SUPT16H: variants seen among roughly 807,000 people sequenced by gnomAD.
SUPT16H encodes the protein FACT complex subunit SPT16.
Under a neutral mutation model 136.2 loss-of-function variants are expected in SUPT16H, and 24 were observed. The observed-to-expected ratio is 0.18, with a 90% CI of 0.13 to 0.25. The LOEUF is 0.25. SUPT16H is among the 10% of genes least tolerant of loss of function. The probability of loss-of-function intolerance (pLI) is 1.00; values close to 1 mark genes in which losing one functional copy is unlikely to be tolerated. For missense variants in SUPT16H, 623 were observed against 1,270.2 expected, an observed-to-expected ratio of 0.49 and a Z score of 7.74; for synonymous variants, 415 against 428.2, an observed-to-expected ratio of 0.97 and a Z score of 0.38.
chr14:21,383,981 C>A lies in SUPT16H; in HGVS notation c.-54G>T. 4.4e-6 allele frequency: 7 copies of A among 1,604,672 alleles called. No homozygotes were observed. In the South Asian group the frequency reaches 7.7e-5, roughly 18 times the overall value. On this transcript the variant is annotated 5_prime_UTR_variant, in exon 1 of 26. Coordinates refer to ENST00000216297, the MANE Select transcript of SUPT16H (RefSeq NM_007192.4). Reference sequence around the variant, plus strand: ...CCGAGAATCACGCGAGGTCCCGGCTCAGCCACCCGCTCTCGGCCCAGGAAT... The same window carrying A: ...CCGAGAATCACGCGAGGTCCCGGCTAAGCCACCCGCTCTCGGCCCAGGAAT...
intron 22 of SUPT16H, among the ~76,000 whole-genome samples, chr14:21,355,702 CT>C (rs1412064971): frequency 6.6e-6 from 1 of 151,886 alleles, no homozygotes; most frequent in East Asian, 1.9e-4. Context: ...AAATGACTTT[CT>C]CTTTCTCACT....
intron 17 of SUPT16H, 112 bp from the exon 18 acceptor site, chr14:21,360,645 A>G (rs1886531876): frequency 1.7e-6 from 2 of 1,195,566 alleles, no homozygotes; most frequent in Admixed American, 2.2e-5. Context: ...ACAGCTGTAT[A>G]GAGCTTTCCT....
Position 21,362,328 on chromosome 14 carries a change from T to C in SUPT16H, c.1666-4A>G, listed in dbSNP as rs1886573634. The C allele has an allele frequency of 6.2e-7, 1 of 1,605,590 alleles. No individual in the cohort carries two copies. Among genetic ancestry groups the C allele is most frequent in the Non-Finnish European group, 8.5e-7 (1 of 1,177,074 alleles). ...CTTCCACGGACATACTTATATTCTG[T>C]TCAAAGGAAAAGCATAAAAAGTAAA... is the stretch of plus-strand genomic sequence containing the variant. On this transcript the variant is annotated splice_region_variant and splice_polypyrimidine_tract_variant and intron_variant, in intron 14 of 25. Transcript: ENST00000216297.
chr14:21,369,664 A>G (rs1886744948), intron 5 of SUPT16H, 86 bp downstream of exon 5: 2 of 1,524,710 alleles, frequency 1.3e-6, no homozygotes, highest in South Asian at 1.2e-5. Context: ...TTTCAAAGGA[A>G]GCTGAAGAAC....
chr14:21,362,639 A>G (rs1886581149), intron 14 of SUPT16H, among the ~76,000 whole-genome samples, 155 bp downstream of exon 14: 1 of 152,190 alleles, frequency 6.6e-6, no homozygotes, highest in South Asian at 2.1e-4. Flanking sequence ...CTGAAAGAGG[A>G]AGGAGAATGA....
At chr14:21,371,311 G>T (rs1886780775) in intron 3 of SUPT16H, among the ~76,000 whole-genome samples, 1 of 151,766 alleles carries the variant, frequency 6.6e-6, no homozygotes, top group African/African-American at 2.4e-5. Context: ...TTAAGAGAAG[G>T]GGTCTCACGT....
At chr14:21,354,658 C>A in intron 22 of SUPT16H, 118 bp from the exon 23 acceptor site, 5 of 1,254,474 alleles carry the variant, frequency 4.0e-6, no homozygotes, top group Middle Eastern at 3.0e-4. Flanking sequence ...GTGGCACAAT[C>A]TTCGCTCACT....
chr14:21,364,144 G>A (rs1300987200), intron 10 of SUPT16H, among the ~76,000 whole-genome samples: 1 of 152,106 alleles, frequency 6.6e-6, no homozygotes, highest in Admixed American at 6.6e-5. Context: ...TACTTCACAA[G>A]GTACTATTTC....
At chr14:21,381,789 T>TC (rs1285565761) in intron 1 of SUPT16H, among the ~76,000 whole-genome samples, 2 of 149,990 alleles carry the variant, frequency 1.3e-5, no homozygotes, top group African/African-American at 4.9e-5. Flanking sequence ...TATTTGCCTT[T>TC]TTTTTTTTTT....
chr14:21,366,658 T>TTTC, intron 7 of SUPT16H, 129 bp from the exon 8 acceptor site: 1 of 776,562 alleles, frequency 1.3e-6, no homozygotes, highest in South Asian at 1.8e-5. Flanking sequence ...TCCACTCACT[T>TTTC]TTTTTTTTTG....
In SUPT16H at chr14:21,362,274, A is replaced by G. The variant is rs1444204299; in HGVS notation, c.1716T>C (p.Phe572=). The G allele has an allele frequency of 1.2e-6, 2 of 1,613,990 alleles. No individual in the cohort carries two copies. Among genetic ancestry groups the G allele is most frequent in the Non-Finnish European group, 1.7e-6 (2 of 1,180,024 alleles). ...TGCCCAGAGCACTGCCTGGGCAATA[A>G]AAGTTGATTCGCAAGTAAGTATAAT... ...EGDYTYLRIN[F]YCPGSALGRN... The change falls in exon 15 of 26, where the codon TTT becomes TTC. Residue 572 remains phenylalanine (F), a synonymous_variant. Transcript: ENST00000216297.
At chr14:21,377,062 CAAAG>C in intron 1 of SUPT16H, among the ~76,000 whole-genome samples, 1 of 73,954 alleles carries the variant, frequency 1.4e-5, no homozygotes, top group Admixed American at 1.9e-4. Flanking sequence ...GAGACTGTCT[CAAAG>C]AAAGAAAAAG....
At chr14:21,361,053 A>G in intron 16 of SUPT16H, 25 bp downstream of exon 16, 1 of 1,611,928 alleles carries the variant, frequency 6.2e-7, no homozygotes, top group Non-Finnish European at 8.5e-7. Context: ...TTGTGTAAGA[A>G]TGTTTTGCCT....
At position 21,354,135 on chromosome 14, in the gene SUPT16H, T is replaced by A. The variant is rs577221196; in HGVS notation, c.2790+276A>T. Among the ~76,000 whole-genome samples, 7 of 152,370 alleles carry A rather than the reference T, an allele frequency of 4.6e-5. No homozygotes were observed. In the South Asian group the frequency reaches 1.0e-3, roughly 23 times the overall value. The stretch of plus-strand genomic sequence containing the variant: ...CACAAACGTTAAGTGGATCATTTTT[T>A]AAAAAATAATTTTTGCAAAATGCCC... On this transcript the variant is annotated intron_variant, in intron 23 of 25. Coordinates refer to ENST00000216297, the MANE Select transcript of SUPT16H (RefSeq NM_007192.4).
At position 21,368,449 on chromosome 14, in the gene SUPT16H, C is replaced by A. The variant is rs781549107; in HGVS notation, c.783-8G>T. ...TGCATATGATTCTTGTCACTAGAGA[C>A]CAACAAAGAAAGAAAACATTTCATT... On this transcript the variant is annotated splice_polypyrimidine_tract_variant and splice_region_variant and intron_variant, in intron 6 of 25. Transcript: ENST00000216297. 3 of 1,583,706 alleles carry A rather than the reference C, an allele frequency of 1.9e-6. No homozygotes were observed. Among genetic ancestry groups the A allele is most frequent in the South Asian group, 2.3e-5 (2 of 86,520 alleles).
At chr14:21,359,685 A>T in intron 18 of SUPT16H, 76 bp from the exon 19 acceptor site, 1 of 1,549,778 alleles carries the variant, frequency 6.5e-7, no homozygotes, top group East Asian at 2.3e-5. Flanking sequence ...AGTGATCCAA[A>T]CTTGGGCCTC....
chr14:21,373,213 T>C, intron 2 of SUPT16H, 125 bp downstream of exon 2: 1 of 764,358 alleles, frequency 1.3e-6, no homozygotes, highest in South Asian at 1.6e-5. Flanking sequence ...CCCAAAGTGC[T>C]GGGATTACAG....
At position 21,362,945 on chromosome 14, in the gene SUPT16H, G is replaced by A; in HGVS notation, c.1514C>T (p.Ala505Val). Residue 505 changes from alanine (A) to valine (V), a missense_variant and splice_region_variant, in exon 14 of 26, where the codon GCT (alanine) becomes GTT (valine). Ala to Val is a moderately conservative substitution (Grantham distance 64). Around this residue, in one of 7 missense-constraint regions of SUPT16H, gnomAD observed 30 missense variants for 44.8 expected, o/e 0.67. Transcript: ENST00000216297. ...TTTATAGGACACATTAGACTTGCGA[G>A]CTCTGGAGTGGGATAAAAAAACAAC... ...EQKGEQQIQK[A>V]RKSNVSYKNP... is the part of the protein sequence containing the mutation. The A allele has an allele frequency of 6.2e-7, 1 of 1,613,308 alleles. No individual in the cohort carries two copies. Among genetic ancestry groups the A allele is most frequent in the Non-Finnish European group, 8.5e-7 (1 of 1,179,822 alleles).
intron 6 of SUPT16H, among the ~76,000 whole-genome samples, chr14:21,368,667 G>A (rs1886723139): frequency 6.6e-6 from 1 of 152,204 alleles, no homozygotes; most frequent in African/African-American, 2.4e-5. Context: ...AAAATTCAGT[G>A]AGTAAGTGAG....
Sources: gnomAD v4.1 joint callset for allele counts (sites outside exome capture counted in the v4.1 genomes callset) on GRCh38, gnomAD v4.1.1 for gene constraint, gnomAD v4.1.1 regional missense constraint, MANE v1.5 for transcripts, NCBI Gene and HGNC (gene_info 2026-07-23, HGNC 2026-07-21) for gene names.